ANKRD6: variants seen among roughly 807,000 people sequenced by gnomAD.
ANKRD6 encodes ankyrin repeat domain-containing protein 6.
Under a neutral mutation model 82.3 loss-of-function variants are expected in ANKRD6, and 56 were observed. That is an observed-to-expected ratio of 0.68 (90% CI 0.55 to 0.85). The LOEUF is 0.85. Among genes scored for constraint, ANKRD6 ranks in the 40% least tolerant of loss-of-function variants. The pLI is 0.00. For missense variants in ANKRD6, 852 were observed against 907.6 expected (o/e 0.94, Z 0.79); for synonymous variants, 347 against 352.1 (o/e 0.99, Z 0.16).
chr6:89,560,331 A>G (rs1354530336), intron 1 of ANKRD6, among the ~76,000 whole-genome samples: 1 of 152,162 alleles, frequency 6.6e-6, no homozygotes, highest in Non-Finnish European at 1.5e-5. Context: ...TTGTCCTCAC[A>G]TGGCTGTTCT....
chr6:89,611,544 T>G (rs1800262691), intron 5 of ANKRD6, among the ~76,000 whole-genome samples: 1 of 152,270 alleles, frequency 6.6e-6, no homozygotes, highest in Non-Finnish European at 1.5e-5. Context: ...AGTATTGCTA[T>G]GGACCTTATT....
At chr6:89,559,117 A>G (rs1482790406) in intron 1 of ANKRD6, among the ~76,000 whole-genome samples, 1 of 152,198 alleles carries the variant, frequency 6.6e-6, no homozygotes, top group Non-Finnish European at 1.5e-5. Context: ...CAAGTGTAAG[A>G]TGCAGTTCAA....
intron 1 of ANKRD6, among the ~76,000 whole-genome samples, chr6:89,516,488 AT>A (rs540374621): frequency 0.01 from 1,563 of 151,940 alleles, 14 homozygotes; most frequent in African/African-American, 0.031. Flanking sequence ...TCCATTCTAG[AT>A]TTTTTTTAAG....
At chr6:89,620,385 C>T (rs559452085) in intron 9 of ANKRD6, among the ~76,000 whole-genome samples, 6 of 152,224 alleles carry the variant, frequency 3.9e-5, no homozygotes, top group Admixed American at 1.3e-4. Flanking sequence ...GTGTGGTTCA[C>T]GAACGCTCTG....
intron 1 of ANKRD6, among the ~76,000 whole-genome samples, chr6:89,469,081 G>A (rs1217830664): frequency 2.6e-5 from 4 of 152,172 alleles, no homozygotes; most frequent in Non-Finnish European, 1.5e-5. Context: ...AAATTGCAGA[G>A]GGAAGAGAGG....
intron 1 of ANKRD6, among the ~76,000 whole-genome samples, chr6:89,549,739 G>A (rs1205215169): frequency 6.6e-6 from 1 of 152,072 alleles, no homozygotes; most frequent in African/African-American, 2.4e-5. Flanking sequence ...GAAGCCCAGT[G>A]CCCTGCACTC....
At chr6:89,485,729 G>T (rs1777290244) in intron 1 of ANKRD6, among the ~76,000 whole-genome samples, 1 of 152,170 alleles carries the variant, frequency 6.6e-6, no homozygotes, top group Non-Finnish European at 1.5e-5. Flanking sequence ...GATTCCTGGG[G>T]TGTCTAAATT....
At chr6:89,555,347 A>G (rs1480046333) in intron 1 of ANKRD6, among the ~76,000 whole-genome samples, 8 of 152,082 alleles carry the variant, frequency 5.3e-5, no homozygotes, top group Admixed American at 5.2e-4. Context: ...TAAGTATTAC[A>G]GTGAGATTTT....
chr6:89,532,241 G>C (rs1181392582), intron 1 of ANKRD6, among the ~76,000 whole-genome samples: 1 of 152,212 alleles, frequency 6.6e-6, no homozygotes, highest in Non-Finnish European at 1.5e-5. Context: ...AGGGCACCCT[G>C]TGGCCCAACC....
chr6:89,451,357 C>T (rs1436790387), intron 1 of ANKRD6, among the ~76,000 whole-genome samples: 1 of 152,128 alleles, frequency 6.6e-6, no homozygotes, highest in Non-Finnish European at 1.5e-5. Context: ...TTCAGGAGCT[C>T]ATCCTTGTCA....
At chr6:89,575,467 T>C (rs1790906382) in intron 2 of ANKRD6, among the ~76,000 whole-genome samples, 2 of 152,132 alleles carry the variant, frequency 1.3e-5, no homozygotes. Flanking sequence ...CACTATGTGG[T>C]TTATAAGTTT....
At chr6:89,608,234 C>A (rs1348100082) in intron 5 of ANKRD6, among the ~76,000 whole-genome samples, 6 of 151,980 alleles carry the variant, frequency 3.9e-5, no homozygotes, top group African/African-American at 1.5e-4. Context: ...CAGTGCACTG[C>A]CACATCACAG....
intron 1 of ANKRD6, among the ~76,000 whole-genome samples, chr6:89,468,342 A>G (rs1468414024): frequency 1.3e-5 from 2 of 152,202 alleles, no homozygotes; most frequent in Non-Finnish European, 1.5e-5. Flanking sequence ...TAAAATTTGT[A>G]TCAATCAGCA....
intron 1 of ANKRD6, among the ~76,000 whole-genome samples, chr6:89,443,661 A>AGAGAT (rs3048001): frequency 0.56 from 84,282 of 151,370 alleles, 24,531 homozygotes; most frequent in African/African-American, 0.73. Context: ...TATTTTTTGT[A>AGAGAT]GAGATTTTGC....
In ANKRD6 at chr6:89,613,953, T is replaced by A. The variant is rs1055358403; in HGVS notation, c.615+63T>A. On this transcript the variant is annotated intron_variant, in intron 7 of 15. Transcript: ENST00000339746. ...TTCCCACAAGGCTACCGGACAGGTC[T>A]GTTAGTGCAAACGGGAGCAGAGGCT... 6.5e-6 allele frequency: 10 copies of A among 1,547,472 alleles called. No homozygotes were observed. In the African/African-American group the frequency reaches 1.2e-4, roughly 19 times the overall value.
At chr6:89,568,232 G>C (rs1013494885) in intron 2 of ANKRD6, 6 of 152,140 alleles carry the variant, frequency 3.9e-5, no homozygotes, top group African/African-American at 1.4e-4. Flanking sequence ...CTGTAGTTAG[G>C]GCACCTGCTC....
chr6:89,605,908 C>G (rs978531988), intron 4 of ANKRD6, 99 bp from the exon 5 acceptor site: 1 of 748,206 alleles, frequency 1.3e-6, no homozygotes, highest in African/African-American at 1.7e-5. Flanking sequence ...TGAGAAAGGC[C>G]GTCTGGTGTT....
chr6:89,487,041 G>A (rs770944775), intron 1 of ANKRD6, among the ~76,000 whole-genome samples: 5 of 152,284 alleles, frequency 3.3e-5, no homozygotes, highest in East Asian at 1.9e-4. Flanking sequence ...GGATGGTGCC[G>A]AAGAGTACAG....
rs1784556803 is a variant in ANKRD6 at position 89,542,502 on chromosome 6, C to T, written c.-143-24332C>T. 2.6e-5 allele frequency among the ~76,000 whole-genome samples: 4 copies of T among 152,224 alleles called. No individual in the cohort carries two copies. In the South Asian group the frequency reaches 6.2e-4, roughly 24 times the overall value. On this transcript the variant is annotated intron_variant, in intron 1 of 15. Transcript: ENST00000339746. ...AAACTTCATCTTGTCAACTCTTTGA[C>T]CACCCCCCCGCTTCCCGAGACACAG...
Sources: allele counts gnomAD v4.1 joint callset (sites outside exome capture counted in the v4.1 genomes callset), GRCh38; gene constraint gnomAD v4.1.1; transcripts MANE v1.5; gene names NCBI Gene and HGNC (gene_info 2026-07-23, HGNC 2026-07-21).